Variants in KCNJ16 observed in about 807,000 individuals in gnomAD.
KCNJ16 encodes potassium inwardly rectifying channel subfamily J member 16.
A neutral mutation model predicts 18.5 loss-of-function variants in KCNJ16; 15 were observed. The ratio of observed to expected loss-of-function variants is 0.81; its 90% CI spans 0.54 to 1.25. The LOEUF (loss-of-function observed/expected upper bound fraction) is 1.25, where lower values mean the gene tolerates loss of function less well. Ranked by LOEUF, KCNJ16 falls within the 50% of genes most tolerant of loss-of-function variation. KCNJ16 has a pLI of 0.00. For missense variants in KCNJ16, 523 were observed against 525.7 expected (o/e 0.99, Z 0.05); for synonymous variants, 174 against 186.5 (o/e 0.93, Z 0.55).
At chr17:70,078,647 A>G (rs1344188675) in intron 1 of KCNJ16, among the ~76,000 whole-genome samples, 1 of 152,176 alleles carries the variant, frequency 6.6e-6, no homozygotes, top group Non-Finnish European at 1.5e-5. Context: ...TGCAATCAAT[A>G]AACATTTATT....
intron 3 of KCNJ16, 44 bp downstream of exon 3, chr17:70,131,019 T>C: frequency 6.6e-7 from 1 of 1,522,164 alleles, no homozygotes; most frequent in Non-Finnish European, 8.8e-7. Flanking sequence ...AGACTGAATT[T>C]GGAGGGAGAA....
At chr17:70,097,499 G>A (rs902345117) in intron 1 of KCNJ16, among the ~76,000 whole-genome samples, 1 of 152,150 alleles carries the variant, frequency 6.6e-6, no homozygotes, top group Admixed American at 6.5e-5. Flanking sequence ...GCTCCATCAG[G>A]AGCACCAGGA....
chr17:70,101,592 T>TTC (rs1226424987), intron 2 of KCNJ16: 3 of 151,818 alleles, frequency 2.0e-5, no homozygotes, highest in East Asian at 1.9e-4. Flanking sequence ...AGATTTCTTT[T>TTC]TTTTTGAGAA....
chr17:70,092,555 T>C (rs2072156161), intron 1 of KCNJ16, among the ~76,000 whole-genome samples: 1 of 105,514 alleles, frequency 9.5e-6, no homozygotes, highest in Admixed American at 1.0e-4. Flanking sequence ...TAGATATAGA[T>C]AGATGATAGA....
intron 2 of KCNJ16, among the ~76,000 whole-genome samples, chr17:70,112,253 T>C (rs2073217959): frequency 6.6e-6 from 1 of 152,202 alleles, no homozygotes; most frequent in Admixed American, 6.6e-5. Flanking sequence ...ACAGGACAAA[T>C]ATTCCTTCAG....
chr17:70,129,742 A>G (rs1437629089), intron 2 of KCNJ16, among the ~76,000 whole-genome samples: 1 of 152,196 alleles, frequency 6.6e-6, no homozygotes, highest in Non-Finnish European at 1.5e-5. Flanking sequence ...ATTCAACAAT[A>G]CATTTTCCAC....
Position 70,134,676 on chromosome 17 carries a change from G to A in KCNJ16, c.*1332G>A, listed in dbSNP as rs2074170113. The A allele has an allele frequency of 6.0e-6, 1 of 166,928 alleles. No homozygotes were observed. Among genetic ancestry groups the A allele is most frequent in the Admixed American group, 6.5e-5 (1 of 15,278 alleles). 10.3% of individuals were successfully genotyped at this position (166,928 alleles called of 1,614,324 possible). ...ATTAGGAACATTCAGAATTATTTGT[G>A]TTTTGTTTTTGTTTTACATTGTTGC... On this transcript the variant is annotated 3_prime_UTR_variant, in exon 4 of 4. Coordinates refer to ENST00000392671, the MANE Select transcript of KCNJ16 (RefSeq NM_170741.4).
chr17:70,088,564 A>G (rs2071944457), intron 1 of KCNJ16, among the ~76,000 whole-genome samples: 1 of 152,206 alleles, frequency 6.6e-6, no homozygotes, highest in African/African-American at 2.4e-5. Context: ...TAGAAATGGT[A>G]ACATTCCCAG....
At chr17:70,125,660 G>A (rs1002730147) in intron 2 of KCNJ16, among the ~76,000 whole-genome samples, 8 of 152,182 alleles carry the variant, frequency 5.3e-5, no homozygotes, top group South Asian at 2.1e-4. Flanking sequence ...GCCAGGTGCC[G>A]TGGCTCACGC....
intron 2 of KCNJ16, chr17:70,101,487 T>C (rs1243848875): frequency 6.6e-6 from 1 of 152,242 alleles, no homozygotes; most frequent in East Asian, 1.9e-4. Context: ...TTTAACCATC[T>C]GGTGTTTCAT....
chr17:70,091,197 T>C (rs1330767827), intron 1 of KCNJ16, among the ~76,000 whole-genome samples: 1 of 152,214 alleles, frequency 6.6e-6, no homozygotes, highest in Non-Finnish European at 1.5e-5. Context: ...AACTCACTCA[T>C]GCTGTCTACT....
At chr17:70,113,844 A>T (rs1254376194) in intron 2 of KCNJ16, among the ~76,000 whole-genome samples, 1 of 152,150 alleles carries the variant, frequency 6.6e-6, no homozygotes, top group Non-Finnish European at 1.5e-5. Flanking sequence ...TATTAAAAAA[A>T]ACATGGAAAT....
chr17:70,117,304 G>A (rs1032063742), intron 2 of KCNJ16, among the ~76,000 whole-genome samples: 2 of 152,104 alleles, frequency 1.3e-5, no homozygotes, highest in Non-Finnish European at 2.9e-5. Flanking sequence ...ACTACTAGAA[G>A]GGAGAGCGGG....
chr17:70,093,105 C>G (rs1430630621), intron 1 of KCNJ16, among the ~76,000 whole-genome samples: 2 of 152,152 alleles, frequency 1.3e-5, no homozygotes, highest in East Asian at 1.9e-4. Flanking sequence ...AAAGATTCCT[C>G]AGAAAGGAAG....
Position 70,134,047 on chromosome 17 carries a change from G to A in KCNJ16, c.*703G>A, listed in dbSNP as rs910478233. The A allele has an allele frequency of 1.2e-5, 2 of 167,068 alleles. No homozygotes were observed. Among genetic ancestry groups the A allele is most frequent in the Admixed American group, 6.5e-5 (1 of 15,284 alleles). 10.3% of individuals were successfully genotyped at this position (167,068 alleles called of 1,614,324 possible). The stretch of plus-strand genomic sequence containing the variant: ...TTTAAAGCAGCATTTCTCTCTTAAC[G>A]TTCCTGGGAGACTCCAACAAATGGA... On this transcript the variant is annotated 3_prime_UTR_variant, in exon 4 of 4. Transcript: ENST00000392671.
rs2074172919 is a variant in KCNJ16 at position 70,134,780 on chromosome 17, G to A, written c.*1436G>A. On this transcript the variant is annotated 3_prime_UTR_variant, in exon 4 of 4. Transcript: ENST00000392671. Reference sequence around the variant, plus strand: ...ACACACCCAGACACACACACACACAGTTTTTGCTTTTTCTGGAAAATCTTT... The same window carrying A: ...ACACACCCAGACACACACACACACAATTTTTGCTTTTTCTGGAAAATCTTT... The A allele has an allele frequency of 6.0e-6, 1 of 166,854 alleles. No individual in the cohort carries two copies. Among genetic ancestry groups the A allele is most frequent in the African/African-American group, 2.4e-5 (1 of 41,410 alleles). 10.3% of individuals were successfully genotyped at this position (166,854 alleles called of 1,614,324 possible). A position where few individuals can be genotyped will look rare whatever the true frequency, so the allele number is the denominator to read the frequency against.
intron 1 of KCNJ16, among the ~76,000 whole-genome samples, chr17:70,076,975 A>C (rs759913856): frequency 9.9e-5 from 15 of 152,218 alleles, no homozygotes; most frequent in Non-Finnish European, 2.1e-4. Context: ...CCATTTATAA[A>C]TGGAACTGTC....
chr17:70,115,988 C>G (rs956823397), intron 2 of KCNJ16, among the ~76,000 whole-genome samples: 5 of 152,044 alleles, frequency 3.3e-5, no homozygotes, highest in African/African-American at 1.2e-4. Flanking sequence ...TACAAAGCCT[C>G]AGAATTAATA....
chr17:70,104,294 C>T (rs896426628), intron 2 of KCNJ16, among the ~76,000 whole-genome samples: 1 of 152,104 alleles, frequency 6.6e-6, no homozygotes, highest in Non-Finnish European at 1.5e-5. Flanking sequence ...GAAACTTGCT[C>T]CCTCTCTAAT....
Sources: allele counts gnomAD v4.1 joint callset (sites outside exome capture counted in the v4.1 genomes callset), GRCh38; gene constraint gnomAD v4.1.1; transcripts MANE v1.5; gene names NCBI Gene and HGNC (gene_info 2026-07-23, HGNC 2026-07-21).